The following MTUS2 variants were observed in gnomAD, a reference collection of about 807,000 sequenced individuals.
The protein encoded by MTUS2 is microtubule-associated tumor suppressor candidate 2.
Under a neutral mutation model 114.1 loss-of-function variants are expected in MTUS2, and 40 were observed. The ratio of observed to expected loss-of-function variants is 0.35; its 90% CI spans 0.27 to 0.46. The LOEUF is 0.46. Among genes scored for constraint, MTUS2 ranks in the 20% least tolerant of loss-of-function variants. MTUS2 has a pLI of 1.00. For missense variants in MTUS2, 1,679 were observed against 1,705.4 expected (o/e 0.98, Z 0.27); for synonymous variants, 688 against 672.0 (o/e 1.02, Z -0.37).
At chr13:29,237,425 C>A (rs1896574022) in intron 5 of MTUS2, among the ~76,000 whole-genome samples, 1 of 152,118 alleles carries the variant, frequency 6.6e-6, no homozygotes, top group African/African-American at 2.4e-5. Context: ...TCAGCTGATT[C>A]CACCACCCTG....
At position 28,992,871 on chromosome 13, in the gene MTUS2, C is replaced by T. The variant is rs1566276042; in HGVS notation, c.-242-31586C>T. Among the ~76,000 whole-genome samples the T allele has an allele frequency of 2.0e-5, 3 of 152,246 alleles. No homozygotes were observed. In the East Asian group the frequency reaches 5.8e-4, roughly 29 times the overall value. ...CATCTTGCAAGACTGAAACCGTCCC[C>T]GTTAAAAAACTTTCCATCTCTCCCC... is the stretch of plus-strand genomic sequence containing the variant. On this transcript the variant is annotated intron_variant, in intron 2 of 15. Coordinates refer to ENST00000612955, the MANE Select transcript of MTUS2 (RefSeq NM_001033602.4).
chr13:29,119,783 T>C (rs1305770244), intron 5 of MTUS2, among the ~76,000 whole-genome samples: 1 of 152,150 alleles, frequency 6.6e-6, no homozygotes, highest in Non-Finnish European at 1.5e-5. Context: ...CATCTGCTTA[T>C]TTAGTCCACC....
At chr13:29,248,216 G>T (rs926257425) in intron 5 of MTUS2, among the ~76,000 whole-genome samples, 2 of 147,400 alleles carry the variant, frequency 1.4e-5, no homozygotes, top group African/African-American at 4.9e-5. Context: ...AAAGGTGTAA[G>T]AATAATATAA....
intron 7 of MTUS2, among the ~76,000 whole-genome samples, chr13:29,352,105 G>A (rs536405881): frequency 5.9e-5 from 9 of 152,202 alleles, no homozygotes; most frequent in Non-Finnish European, 1.2e-4. Context: ...CTTCCCCAGC[G>A]TTTTCTAAAT....
At chr13:28,950,069 A>G (rs371504122) in intron 2 of MTUS2, among the ~76,000 whole-genome samples, 1 of 152,250 alleles carries the variant, frequency 6.6e-6, no homozygotes, top group African/African-American at 2.4e-5. Context: ...TACATTCACA[A>G]CAGTGCACAA....
At chr13:29,346,125 TG>T (rs1488573410) in intron 7 of MTUS2, among the ~76,000 whole-genome samples, 1 of 152,146 alleles carries the variant, frequency 6.6e-6, no homozygotes, top group Non-Finnish European at 1.5e-5. Flanking sequence ...GGCTTAGTGT[TG>T]GTTGGCCGCC....
At chr13:29,023,028 G>A (rs1216936523) in intron 2 of MTUS2, among the ~76,000 whole-genome samples, 1 of 152,120 alleles carries the variant, frequency 6.6e-6, no homozygotes, top group Non-Finnish European at 1.5e-5. Context: ...TGAAAATACA[G>A]GATACTACAA....
Position 29,389,993 on chromosome 13 carries a change from G to A in MTUS2, c.3117+30520G>A, listed in dbSNP as rs1351431921. On this transcript the variant is annotated intron_variant, in intron 8 of 15. Coordinates refer to ENST00000612955, the MANE Select transcript of MTUS2 (RefSeq NM_001033602.4). Reference sequence around the variant, plus strand: ...TATATACACATACATGTATGTGTATGTATGTATGTGTATATATACACATAC... The same window carrying A: ...TATATACACATACATGTATGTGTATATATGTATGTGTATATATACACATAC... 9.3e-5 allele frequency among the ~76,000 whole-genome samples: 9 copies of A among 97,108 alleles called. 1 individual carries two copies. Among genetic ancestry groups the A allele is most frequent in the African/African-American group, 3.0e-4 (8 of 26,310 alleles). 63.7% of individuals were successfully genotyped at this position (97,108 alleles called of 152,430 possible).
rs137897296 is a variant in MTUS2, at chr13:29,141,828, T to C, written c.2644+40858T>C. 7.2e-5 allele frequency among the ~76,000 whole-genome samples: 11 copies of C among 152,078 alleles called. No homozygotes were observed. In the East Asian group the frequency reaches 2.1e-3, roughly 29 times the overall value. ...TTAAATTTTATCACATTTCCTGTTA[T>C]CCAAAACAGCTTGAAGTCTAAATGG... On this transcript the variant is annotated intron_variant, in intron 5 of 15. Coordinates refer to ENST00000612955, the MANE Select transcript of MTUS2 (RefSeq NM_001033602.4).
intron 2 of MTUS2, among the ~76,000 whole-genome samples, chr13:28,841,024 T>C (rs1476057393): frequency 1.3e-5 from 2 of 152,252 alleles, no homozygotes; most frequent in Non-Finnish European, 2.9e-5. Context: ...AGCTTCATTC[T>C]ATAGACCACC....
chr13:29,212,617 A>C lies in MTUS2; in HGVS notation c.2645-69087A>C, dbSNP rs569859783. On this transcript the variant is annotated intron_variant, in intron 5 of 15. Coordinates refer to ENST00000612955, the MANE Select transcript of MTUS2 (RefSeq NM_001033602.4). ...CACAATCTTCTCCTTAAGTAATAAC[A>C]GCTCACAGAACTCAGGGAAACATCT... 5.4e-4 allele frequency among the ~76,000 whole-genome samples: 83 copies of C among 152,352 alleles called. No individual in the cohort carries two copies. In the South Asian group the frequency reaches 0.017, roughly 32 times the overall value.
At chr13:29,311,845 T>C (rs1016241477) in intron 6 of MTUS2, among the ~76,000 whole-genome samples, 3 of 152,322 alleles carry the variant, frequency 2.0e-5, no homozygotes, top group African/African-American at 7.2e-5. Context: ...TAGCCTCCAG[T>C]TGGAGTTTCA....
chr13:28,924,980 C>T (rs942724042), intron 2 of MTUS2, among the ~76,000 whole-genome samples: 3 of 151,880 alleles, frequency 2.0e-5, no homozygotes, highest in African/African-American at 7.2e-5. Flanking sequence ...AGATGTGTTC[C>T]ATTAGTAAGA....
intron 6 of MTUS2, among the ~76,000 whole-genome samples, chr13:29,315,677 G>T (rs7327342): frequency 0.49 from 73,893 of 151,794 alleles, 18,893 homozygotes; most frequent in African/African-American, 0.63. Flanking sequence ...CCATGGTAGT[G>T]TCTGTTGTCT....
chr13:29,177,427 A>G (rs1893819248), intron 5 of MTUS2, among the ~76,000 whole-genome samples: 3 of 150,776 alleles, frequency 2.0e-5, no homozygotes, highest in Admixed American at 2.0e-4. Context: ...CCCTAAGGCT[A>G]GATGGGACAT....
At chr13:29,082,013 C>G (rs894136271) in intron 4 of MTUS2, among the ~76,000 whole-genome samples, 1 of 152,116 alleles carries the variant, frequency 6.6e-6, no homozygotes, top group Admixed American at 6.5e-5. Flanking sequence ...TTGTGTCTCC[C>G]TAAAATTCAT....
intron 5 of MTUS2, among the ~76,000 whole-genome samples, chr13:29,182,049 CT>C (rs1894028180): frequency 6.6e-6 from 1 of 152,176 alleles, no homozygotes; most frequent in Non-Finnish European, 1.5e-5. Flanking sequence ...ATGTGTATCT[CT>C]TTCTCCCTTG....
At chr13:29,304,136 A>G (rs1168419145) in intron 6 of MTUS2, among the ~76,000 whole-genome samples, 1 of 152,198 alleles carries the variant, frequency 6.6e-6, no homozygotes, top group Non-Finnish European at 1.5e-5. Context: ...TCCCAAAGGA[A>G]GCACAAAATA....
intron 5 of MTUS2, among the ~76,000 whole-genome samples, chr13:29,206,131 T>C (rs1042819225): frequency 1.3e-5 from 2 of 152,222 alleles, no homozygotes; most frequent in African/African-American, 2.4e-5. Flanking sequence ...TATTGCATTA[T>C]GGTTTTTATT....
Sources: allele counts gnomAD v4.1 joint callset (sites outside exome capture counted in the v4.1 genomes callset), GRCh38; gene constraint gnomAD v4.1.1; transcripts MANE v1.5; gene names NCBI Gene and HGNC (gene_info 2026-07-23, HGNC 2026-07-21).